Variants in SNRNP35 observed in about 807,000 individuals in gnomAD.
SNRNP35 encodes U11/U12 small nuclear ribonucleoprotein 35 kDa protein.
Under a neutral mutation model 24.3 loss-of-function variants are expected in SNRNP35, and 16 were observed. The ratio of observed to expected loss-of-function variants is 0.66; its 90% CI spans 0.45 to 1.00. SNRNP35 has a LOEUF of 1.00. SNRNP35 is among the 50% of genes least tolerant of loss of function. The pLI is 0.00. For missense variants in SNRNP35, 292 were observed against 327.2 expected, an observed-to-expected ratio of 0.89 and a Z score of 0.83; for synonymous variants, 106 against 124.8, an observed-to-expected ratio of 0.85 and a Z score of 1.00.
In SNRNP35 at chr12:123,465,815, A is replaced by G. The variant is rs1335643479; in HGVS notation, c.275A>G (p.Lys92Arg). Residue 92 changes from lysine (K) to arginine (R), a missense_variant, in exon 2 of 2, where the codon AAG becomes AGG. Coordinates refer to ENST00000526639, the MANE Select transcript of SNRNP35 (RefSeq NM_022717.4). The surrounding 1 kb of genome is among the most constrained non-coding windows in gnomAD (Gnocchi z 4.2). ...AGGGACTTGGTCACAGGTTTTTCAA[A>G]GGGCTACGCCTTCATCGAATACAAG... Reference protein sequence around the residue: ...LVRDLVTGFSKGYAFIEYKEE... With the variant: ...LVRDLVTGFSRGYAFIEYKEE... 1.9e-6 allele frequency: 3 copies of G among 1,614,024 alleles called. No homozygotes were observed. The highest frequency in any genetic ancestry group is 2.2e-5 in the East Asian group (1 of 44,878).
downstream of SNRNP35, among the ~76,000 whole-genome samples, chr12:123,467,163 T>C (rs369469692): frequency 1.3e-5 from 2 of 152,128 alleles, no homozygotes; most frequent in East Asian, 3.8e-4. Context: ...GAAATAAAAA[T>C]GGGATAGAAA....
In SNRNP35 at chr12:123,466,322, A is replaced by G; in HGVS notation, c.*41A>G. ...ACCCCAAAGTGAAGTTACAGTGGAAATGAGTGGAGGGGGATTGTCTTTCAA... is the reference window on the plus strand; with the variant it reads ...ACCCCAAAGTGAAGTTACAGTGGAAGTGAGTGGAGGGGGATTGTCTTTCAA... On this transcript the variant is annotated 3_prime_UTR_variant, in exon 2 of 2. Transcript: ENST00000526639. The G allele has an allele frequency of 6.7e-7, 1 of 1,501,726 alleles. No homozygotes were observed. Among genetic ancestry groups the G allele is most frequent in the African/African-American group, 1.4e-5 (1 of 71,558 alleles). 93.0% of individuals were successfully genotyped at this position (1,501,726 alleles called of 1,614,324 possible). A position where few individuals can be genotyped will look rare whatever the true frequency, so the allele number is the denominator to read the frequency against.
At chr12:123,468,739 TG>T (rs1192225574), downstream of SNRNP35, among the ~76,000 whole-genome samples, 1 of 152,170 alleles carries the variant, frequency 6.6e-6, no homozygotes, top group Non-Finnish European at 1.5e-5. Context: ...CCTGTACATT[TG>T]GGCTTAGTGT....
Position 123,458,161 on chromosome 12 carries a change from T to C in SNRNP35, c.-59T>C, listed in dbSNP as rs1880377593. On this transcript the variant is annotated 5_prime_UTR_variant, in exon 1 of 2. Transcript: ENST00000526639. ...GCCGAGGCCGGCGCGGAGAATCTGC[T>C]GTCGCCTGCAGCTGCTCGCCTGTCT... 1.0e-6 allele frequency: 1 copy of C among 985,450 alleles called. No individual in the cohort carries two copies. Among genetic ancestry groups the C allele is most frequent in the Non-Finnish European group, 1.2e-6 (1 of 829,980 alleles). 61.0% of individuals were successfully genotyped at this position (985,450 alleles called of 1,614,324 possible).
At position 123,458,165 on chromosome 12, in the gene SNRNP35, G is replaced by T. The variant is rs1015986332; in HGVS notation, c.-55G>T. The T allele has an allele frequency of 4.1e-6, 4 of 985,446 alleles. No homozygotes were observed. Among genetic ancestry groups the T allele is most frequent in the East Asian group, 1.1e-4 (1 of 8,812 alleles). The allele number at this position is 985,446 out of a possible 1,614,324, so 61.0% of individuals were successfully genotyped here. ...AGGCCGGCGCGGAGAATCTGCTGTC[G>T]CCTGCAGCTGCTCGCCTGTCTCCGT... is the stretch of plus-strand genomic sequence containing the variant. On this transcript the variant is annotated 5_prime_UTR_variant, in exon 1 of 2. Transcript: ENST00000526639.
At chr12:123,461,107 G>A (rs969463376) in intron 1 of SNRNP35, among the ~76,000 whole-genome samples, 4 of 150,802 alleles carry the variant, frequency 2.7e-5, no homozygotes, top group Admixed American at 1.3e-4. Flanking sequence ...GAGCCACCAC[G>A]CCCAGCCTCT....
chr12:123,465,388 C>G lies in SNRNP35; in HGVS notation c.-3-150C>G. 1 of 887,478 alleles carries G rather than the reference C, an allele frequency of 1.1e-6. No homozygotes were observed. The highest frequency in any genetic ancestry group is 1.6e-6 in the Non-Finnish European group (1 of 625,426). 55.0% of individuals were successfully genotyped at this position (887,478 alleles called of 1,614,324 possible). Reference sequence around the variant, plus strand: ...TGGTGCTGTCTCCCCCACTTACTAGCAGGGAGGACTTAGCCTCTGTGGGTG... The same window carrying G: ...TGGTGCTGTCTCCCCCACTTACTAGGAGGGAGGACTTAGCCTCTGTGGGTG... On this transcript the variant is annotated intron_variant, in intron 1 of 1. Transcript: ENST00000526639. The surrounding 1 kb of genome is among the most constrained non-coding windows in gnomAD (Gnocchi z 4.2).
In SNRNP35 at chr12:123,466,812, G is replaced by A. The variant is rs1473171286; in HGVS notation, c.*531G>A. 1 of 152,484 alleles carries A rather than the reference G, an allele frequency of 6.6e-6. No homozygotes were observed. The highest frequency in any genetic ancestry group is 1.9e-4 in the East Asian group (1 of 5,206). The allele number at this position is 152,484 out of a possible 1,614,324, so 9.4% of individuals were successfully genotyped here. ...GATCCACCTGCCTTGGCCTCCCAAA[G>A]TGCTGGGATTACAGGTGTGAGCCAC... On this transcript the variant is annotated 3_prime_UTR_variant, in exon 2 of 2. Coordinates refer to ENST00000526639, the MANE Select transcript of SNRNP35 (RefSeq NM_022717.4).
rs1261567634 is a variant in SNRNP35, at chr12:123,465,373, T to C, written c.-3-165T>C. Reference sequence around the variant, plus strand: ...ACAACTGCCTGGCTTTGGTGCTGTCTCCCCCACTTACTAGCAGGGAGGACT... The same window carrying C: ...ACAACTGCCTGGCTTTGGTGCTGTCCCCCCCACTTACTAGCAGGGAGGACT... On this transcript the variant is annotated intron_variant, in intron 1 of 1. Coordinates refer to ENST00000526639, the MANE Select transcript of SNRNP35 (RefSeq NM_022717.4). The surrounding 1 kb of genome is among the most constrained non-coding windows in gnomAD (Gnocchi z 4.2). Among the ~76,000 whole-genome samples the C allele has an allele frequency of 6.6e-6, 1 of 152,152 alleles. No homozygotes were observed. The highest frequency in any genetic ancestry group is 1.5e-5 in the Non-Finnish European group (1 of 68,008).
Position 123,466,264 on chromosome 12 carries a change from A to G in SNRNP35, c.724A>G (p.Lys242Glu), listed in dbSNP as rs751869997. ...RDDRIKGREK[K>E]ERGK The stretch of plus-strand genomic sequence containing the variant: ...TGACAGGATCAAGGGGAGGGAGAAG[A>G]AGGAAAGAGGCAAGTAGAGGCCCAA... Residue 242 changes from lysine (K) to glutamate (E), a missense_variant, in exon 2 of 2, where the codon AAG becomes GAG. Transcript: ENST00000526639. 10 of 1,521,376 alleles carry G rather than the reference A, an allele frequency of 6.6e-6. No homozygotes were observed. The highest frequency in any genetic ancestry group is 2.3e-5 in the Admixed American group (1 of 44,056). 94.2% of individuals were successfully genotyped at this position (1,521,376 alleles called of 1,614,324 possible).
exon 2 of SNRNP35, chr12:123,472,772 A>G: frequency 7.2e-7 from 1 of 1,381,954 alleles, no homozygotes; most frequent in South Asian, 1.3e-5. Context: ...TATAGCAGCA[A>G]ACTTAGAAGG....
intron 1 of SNRNP35, among the ~76,000 whole-genome samples, chr12:123,463,050 A>G (rs946469133): frequency 2.0e-5 from 3 of 152,010 alleles, no homozygotes; most frequent in Non-Finnish European, 4.4e-5. Flanking sequence ...TTTCACAGAA[A>G]CCTGGTTTTT....
downstream of SNRNP35, chr12:123,471,102 A>C: frequency 7.3e-6 from 1 of 137,434 alleles, no homozygotes; most frequent in African/African-American, 2.8e-5. Context: ...ATGAAGTCTC[A>C]CTCTGTCGCC....
At chr12:123,471,510 G>A (rs1881188737), downstream of SNRNP35, 1 of 152,290 alleles carries the variant, frequency 6.6e-6, no homozygotes, top group Non-Finnish European at 1.5e-5. Flanking sequence ...CGGGTGGAGA[G>A]AAAGACAGTG....
Position 123,466,409 on chromosome 12 carries a change from T to C in SNRNP35, c.*128T>C. 1 of 1,002,220 alleles carries C rather than the reference T, an allele frequency of 1.0e-6. No homozygotes were observed. The highest frequency in any genetic ancestry group is 2.6e-5 in the East Asian group (1 of 38,818). 62.1% of individuals were successfully genotyped at this position (1,002,220 alleles called of 1,614,324 possible). A position where few individuals can be genotyped will look rare whatever the true frequency, so the allele number is the denominator to read the frequency against. ...ATGATCATGGGGTTTGGAATAGTTT[T>C]CTTTCCAATCTGGAACTTCGGTTCA... On this transcript the variant is annotated 3_prime_UTR_variant, in exon 2 of 2. Transcript: ENST00000526639.
chr12:123,464,682 A>G lies in SNRNP35; in HGVS notation c.-3-856A>G, dbSNP rs1378257543. 2.6e-5 allele frequency: 4 copies of G among 152,256 alleles called. No homozygotes were observed. In the South Asian group the frequency reaches 6.2e-4, roughly 24 times the overall value. 9.4% of individuals were successfully genotyped at this position (152,256 alleles called of 1,614,324 possible). A position where few individuals can be genotyped will look rare whatever the true frequency, so the allele number is the denominator to read the frequency against. ...GATTCACATGAATTAACTATGTATC[A>G]GAAGGCATGACAACTGCAGTGTGCT... On this transcript the variant is annotated intron_variant, in intron 1 of 1. Coordinates refer to ENST00000526639, the MANE Select transcript of SNRNP35 (RefSeq NM_022717.4).
Position 123,459,706 on chromosome 12 carries a change from T to C in SNRNP35, c.-4+1490T>C, listed in dbSNP as rs564253360. 11 of 673,340 alleles carry C rather than the reference T, an allele frequency of 1.6e-5. No homozygotes were observed. The Admixed American group carries it at 2.3e-4, about 14-fold the overall frequency. The allele number at this position is 673,340 out of a possible 1,614,324, so 41.7% of individuals were successfully genotyped here. On this transcript the variant is annotated intron_variant, in intron 1 of 1. Transcript: ENST00000526639. ...GGGAGGCTGAGGCAGGAGAATCACT[T>C]GAACCTGGGAGGCAGAGGTTGCAGT...
chr12:123,465,587 C>A lies in SNRNP35; in HGVS notation c.47C>A (p.Ala16Glu). 3.8e-6 allele frequency: 6 copies of A among 1,589,088 alleles called. No homozygotes were observed. The highest frequency in any genetic ancestry group is 5.1e-6 in the Non-Finnish European group (6 of 1,168,802). Residue 16 changes from alanine (A) to glutamate (E), a missense_variant, in exon 2 of 2, where the codon GCG becomes GAG. Ala to Glu is a moderately radical substitution (Grantham distance 107, BLOSUM62 -1). Coordinates refer to ENST00000526639, the MANE Select transcript of SNRNP35 (RefSeq NM_022717.4). This position sits in a 1 kb window ranked among gnomAD's most constrained non-coding sequence, Gnocchi z 4.2. ...PIAKEYDPLK[A>E]GSIDGTDEDP... ...GCCAAGGAGTATGATCCACTCAAAG[C>A]GGGCAGCATTGATGGCACCGATGAA... is the stretch of plus-strand genomic sequence containing the variant.
intron 1 of SNRNP35, chr12:123,459,919 A>C: frequency 6.8e-7 from 1 of 1,465,226 alleles, no homozygotes; most frequent in African/African-American, 1.4e-5. Flanking sequence ...CTATAGAAGC[A>C]TGCAGATGAG....
Sources: allele counts gnomAD v4.1 joint callset (sites outside exome capture counted in the v4.1 genomes callset), GRCh38; gene constraint gnomAD v4.1.1; non-coding constraint Gnocchi (gnomAD v3.1); transcripts MANE v1.5; gene names NCBI Gene and HGNC (gene_info 2026-07-23, HGNC 2026-07-21).